DERL3: variants seen among roughly 807,000 people sequenced by gnomAD.
DERL3 encodes derlin 3, also known as derlin-3.
Under a neutral mutation model 23.8 loss-of-function variants are expected in DERL3, and 20 were observed. The ratio of observed to expected loss-of-function variants is 0.84; its 90% CI spans 0.59 to 1.22. The LOEUF (loss-of-function observed/expected upper bound fraction) is 1.22. DERL3 is among the 50% of genes most tolerant of loss of function. DERL3 has a pLI of 0.00. For missense variants in DERL3, 319 were observed against 304.1 expected (o/e 1.05, Z -0.36); for synonymous variants, 145 against 132.5 (o/e 1.09, Z -0.65).
rs1413259475 is a variant in DERL3, at chr22:23,836,357, C to T, written c.*512G>A. The T allele has an allele frequency of 2.0e-6, 2 of 985,630 alleles. No homozygotes were observed. The highest frequency in any genetic ancestry group is 2.4e-6 in the Non-Finnish European group (2 of 830,066). The allele number at this position is 985,630 out of a possible 1,614,324, so 61.1% of individuals were successfully genotyped here. On this transcript the variant is annotated 3_prime_UTR_variant, in exon 7 of 7. Transcript: ENST00000318109. ...CTAGATTGGCATCAGCCTGAAGGCA[C>T]CACTGGCAGGAACATCTGTAGGCTG...
rs1034472792 is a variant in DERL3, at chr22:23,835,432, G to T, written c.*1437C>A. 6 of 986,452 alleles carry T rather than the reference G, an allele frequency of 6.1e-6. No individual in the cohort carries two copies. The highest frequency in any genetic ancestry group is 6.0e-6 in the Non-Finnish European group (5 of 830,754). The allele number at this position is 986,452 out of a possible 1,614,324, so 61.1% of individuals were successfully genotyped here. On this transcript the variant is annotated 3_prime_UTR_variant, in exon 7 of 7. Coordinates refer to ENST00000318109, the MANE Select transcript of DERL3 (RefSeq NM_001002862.3). Reference sequence around the variant, plus strand: ...TCAGAGGCTGCTGTGCTCCCTGGAAGTGGGGTAGGGCCCCATGTGGGGCAG... The same window carrying T: ...TCAGAGGCTGCTGTGCTCCCTGGAATTGGGGTAGGGCCCCATGTGGGGCAG...
Position 23,834,602 on chromosome 22 carries a change from T to C in DERL3, c.*2267A>G, listed in dbSNP as rs2030888479. On this transcript the variant is annotated 3_prime_UTR_variant, in exon 7 of 7. Coordinates refer to ENST00000318109, the MANE Select transcript of DERL3 (RefSeq NM_001002862.3). ...CCGGGGCCTGGGGGGACGAAGGTGGTATGTGAACAAGGTTGGCACACAGGC... is the reference window on the plus strand; with the variant it reads ...CCGGGGCCTGGGGGGACGAAGGTGGCATGTGAACAAGGTTGGCACACAGGC... 4.2e-6 allele frequency: 3 copies of C among 720,688 alleles called. No homozygotes were observed. Among genetic ancestry groups the C allele is most frequent in the Non-Finnish European group, 4.9e-6 (2 of 407,800 alleles). 44.6% of individuals were successfully genotyped at this position (720,688 alleles called of 1,614,324 possible).
At chr22:23,838,301 TG>T in intron 4 of DERL3, 50 bp downstream of exon 4, 1 of 1,559,588 alleles carries the variant, frequency 6.4e-7, no homozygotes, top group Non-Finnish European at 8.7e-7. Flanking sequence ...CAACACAGGC[TG>T]GACGCCGAGG....
At position 23,838,571 on chromosome 22, in the gene DERL3, G is replaced by A; in HGVS notation, c.226C>T (p.Leu76Phe). Residue 76 changes from leucine to phenylalanine, a missense_variant, in exon 3 of 7, where the codon CTC becomes TTC. Transcript: ENST00000318109. ...CCGCAGGGCGCAGGATACACGAAGAGCATGTTGAAGAAGAAGCTGAATCCC... is the reference window on the plus strand; with the variant it reads ...CCGCAGGGCGCAGGATACACGAAGAACATGTTGAAGAAGAAGCTGAATCCC... ...PLGFSFFFNM[L>F]FVFRYCRMLE... 1.3e-6 allele frequency: 2 copies of A among 1,586,706 alleles called. No individual in the cohort carries two copies. Among genetic ancestry groups the A allele is most frequent in the Non-Finnish European group, 1.7e-6 (2 of 1,167,086 alleles).
Position 23,836,358 on chromosome 22 carries a change from C to G in DERL3, c.*511G>C, listed in dbSNP as rs1026120843. On this transcript the variant is annotated 3_prime_UTR_variant, in exon 7 of 7. Transcript: ENST00000318109. ...TAGATTGGCATCAGCCTGAAGGCACCACTGGCAGGAACATCTGTAGGCTGG... is the reference window on the plus strand; with the variant it reads ...TAGATTGGCATCAGCCTGAAGGCACGACTGGCAGGAACATCTGTAGGCTGG... 1.7e-5 allele frequency: 17 copies of G among 985,658 alleles called. No individual in the cohort carries two copies. Among genetic ancestry groups the G allele is most frequent in the Non-Finnish European group, 2.0e-5 (17 of 830,082 alleles). The allele number at this position is 985,658 out of a possible 1,614,324, so 61.1% of individuals were successfully genotyped here.
rs773080554 is a variant in DERL3, at chr22:23,837,898, C to T, written c.328-44G>A. The T allele has an allele frequency of 7.7e-6, 12 of 1,565,422 alleles. No individual in the cohort carries two copies. The East Asian group carries it at 2.5e-4, about 33-fold the overall frequency. On this transcript the variant is annotated intron_variant, in intron 4 of 6. Transcript: ENST00000318109. ...GCTCCGGTGCAGGCCTCAGCCCAAG[C>T]CCAGGGCCCCTCTGACTTCCCAAGA...
chr22:23,838,876 G>A lies in DERL3; in HGVS notation c.93+19C>T. On this transcript the variant is annotated intron_variant, in intron 1 of 6. Transcript: ENST00000318109. ...AGAGGCTGTAACCAAGGCGACGTCC[G>A]GTCCGCCCGGCCGCTTACCACCGCG... 6.4e-7 allele frequency: 1 copy of A among 1,553,252 alleles called. No individual in the cohort carries two copies. The highest frequency in any genetic ancestry group is 8.7e-7 in the Non-Finnish European group (1 of 1,148,124).
At position 23,834,805 on chromosome 22, in the gene DERL3, A is replaced by C; in HGVS notation, c.*2064T>G. On this transcript the variant is annotated 3_prime_UTR_variant, in exon 7 of 7. Transcript: ENST00000318109. ...TCTCTGCCTTTCAGGAACAGCCCTA[A>C]CCCTGCTCCCCTTGCTTGGCCTCAG... The C allele has an allele frequency of 6.2e-7, 1 of 1,605,030 alleles. No homozygotes were observed. Among genetic ancestry groups the C allele is most frequent in the Non-Finnish European group, 8.5e-7 (1 of 1,176,206 alleles).
chr22:23,837,445 A>G (rs868604050), intron 5 of DERL3: 3 of 651,440 alleles, frequency 4.6e-6, no homozygotes, highest in Middle Eastern at 8.4e-4. Flanking sequence ...GGACCGTGCA[A>G]GCATCAGTAG....
Position 23,838,603 on chromosome 22 carries a change from C to T in DERL3, c.194G>A (p.Gly65Glu). Residue 65 changes from glycine (G) to glutamate (E), a missense_variant, in exon 3 of 7, where the codon GGG (glycine) becomes GAG (glutamate). Transcript: ENST00000318109. ...WRLVTNFLFF[G>E]PLGFSFFFNM... Reference sequence around the variant, plus strand: ...GAAGAAGAAGCTGAATCCCAGGGGCCCGAAGAAGAGGAAGTTGGTGACGAG... The same window carrying T: ...GAAGAAGAAGCTGAATCCCAGGGGCTCGAAGAAGAGGAAGTTGGTGACGAG... 1 of 1,589,646 alleles carries T rather than the reference C, an allele frequency of 6.3e-7. No homozygotes were observed. The highest frequency in any genetic ancestry group is 1.1e-5 in the South Asian group (1 of 87,496).
chr22:23,834,838 C>G lies in DERL3; in HGVS notation c.*2031G>C, dbSNP rs1246305988. 3 of 1,611,588 alleles carry G rather than the reference C, an allele frequency of 1.9e-6. No homozygotes were observed. Among genetic ancestry groups the G allele is most frequent in the Non-Finnish European group, 2.5e-6 (3 of 1,179,262 alleles). On this transcript the variant is annotated 3_prime_UTR_variant, in exon 7 of 7. Transcript: ENST00000318109. Reference sequence around the variant, plus strand: ...CCCCTTGCTTGGCCTCAGGAAGGTGCCGCGAGCTCTCCTGCCGTCCCTGGG... The same window carrying G: ...CCCCTTGCTTGGCCTCAGGAAGGTGGCGCGAGCTCTCCTGCCGTCCCTGGG...
intron 4 of DERL3, 85 bp downstream of exon 4, chr22:23,838,267 G>A: frequency 6.4e-7 from 1 of 1,552,160 alleles, no homozygotes; most frequent in Non-Finnish European, 8.7e-7. Flanking sequence ...TCCCTCTCTG[G>A]CATGGCTGTG....
At position 23,836,827 on chromosome 22, in the gene DERL3, G is replaced by A; in HGVS notation, c.*42C>T. ...CCCAAGTAGGGGTCATGGGTAGGAT[G>A]GAAGCTGCCAGAAGCCTCTTAGGCC... On this transcript the variant is annotated 3_prime_UTR_variant, in exon 7 of 7. Coordinates refer to ENST00000318109, the MANE Select transcript of DERL3 (RefSeq NM_001002862.3). 5 of 1,437,208 alleles carry A rather than the reference G, an allele frequency of 3.5e-6. No individual in the cohort carries two copies. Among genetic ancestry groups the A allele is most frequent in the Non-Finnish European group, 4.6e-6 (5 of 1,094,110 alleles). The allele number at this position is 1,437,208 out of a possible 1,614,324, so 89.0% of individuals were successfully genotyped here.
At position 23,836,193 on chromosome 22, in the gene DERL3, A is replaced by T; in HGVS notation, c.*676T>A. The stretch of plus-strand genomic sequence containing the variant: ...CAGAACTCTGCTAAGGTGAAAACTT[A>T]GGCTCTGAGGTCATAGAAAGGGCAG... On this transcript the variant is annotated 3_prime_UTR_variant, in exon 7 of 7. Coordinates refer to ENST00000318109, the MANE Select transcript of DERL3 (RefSeq NM_001002862.3). 1 of 985,456 alleles carries T rather than the reference A, an allele frequency of 1.0e-6. No individual in the cohort carries two copies. The highest frequency in any genetic ancestry group is 1.2e-6 in the Non-Finnish European group (1 of 829,926). 61.0% of individuals were successfully genotyped at this position (985,456 alleles called of 1,614,324 possible). A position where few individuals can be genotyped will look rare whatever the true frequency, so the allele number is the denominator to read the frequency against.
chr22:23,835,124 C>T lies in DERL3; in HGVS notation c.*1745G>A. 2 of 1,370,716 alleles carry T rather than the reference C, an allele frequency of 1.5e-6. No homozygotes were observed. Among genetic ancestry groups the T allele is most frequent in the South Asian group, 1.8e-5 (1 of 55,318 alleles). 84.9% of individuals were successfully genotyped at this position (1,370,716 alleles called of 1,614,324 possible). On this transcript the variant is annotated 3_prime_UTR_variant, in exon 7 of 7. Transcript: ENST00000318109. ...AGGAATATGGGAATAGCCCTCCCGGCCTGGTGCCAGCTCTTGGAGTTGACA... is the reference window on the plus strand; with the variant it reads ...AGGAATATGGGAATAGCCCTCCCGGTCTGGTGCCAGCTCTTGGAGTTGACA...
At position 23,835,047 on chromosome 22, in the gene DERL3, C is replaced by G; in HGVS notation, c.*1822G>C. Reference sequence around the variant, plus strand: ...CCAGGTCAGCTGGGGCCCTTTCCCACCCCAGCAGGTGCTGTGGCCTGGGCC... The same window carrying G: ...CCAGGTCAGCTGGGGCCCTTTCCCAGCCCAGCAGGTGCTGTGGCCTGGGCC... On this transcript the variant is annotated 3_prime_UTR_variant, in exon 7 of 7. Coordinates refer to ENST00000318109, the MANE Select transcript of DERL3 (RefSeq NM_001002862.3). The G allele has an allele frequency of 7.1e-7, 1 of 1,404,968 alleles. No individual in the cohort carries two copies. The highest frequency in any genetic ancestry group is 1.6e-5 in the South Asian group (1 of 63,786). The allele number at this position is 1,404,968 out of a possible 1,614,324, so 87.0% of individuals were successfully genotyped here.
Position 23,837,666 on chromosome 22 carries a change from G to A in DERL3, c.516C>T (p.Asp172=), listed in dbSNP as rs772551294. Residue 172 remains aspartate, a synonymous_variant, in exon 5 of 7, where the codon GAC becomes GAT. Coordinates refer to ENST00000318109, the MANE Select transcript of DERL3 (RefSeq NM_001002862.3). ...ATGTACCGGGAGGCTCACCCAGCAG[G>A]TCCACGAGGATGGAGTTGCCCAGCA... ...SLLLGNSILV[D]LLGIAVGHIY... 1.2e-6 allele frequency: 2 copies of A among 1,612,730 alleles called. No homozygotes were observed. Among genetic ancestry groups the A allele is most frequent in the Admixed American group, 3.3e-5 (2 of 59,960 alleles).
rs5760062 is a variant in DERL3, at chr22:23,836,403, C to A, written c.*466G>T. On this transcript the variant is annotated 3_prime_UTR_variant, in exon 7 of 7. Transcript: ENST00000318109. ...GGCTGGTTTGGCACAACCTAGGAGA[C>A]GCCTGTCCTGGCCCCAGCAGCCGAA... is the stretch of plus-strand genomic sequence containing the variant. 2.0e-4 allele frequency: 197 copies of A among 986,594 alleles called. 1 individual carries two copies. The African/African-American group carries it at 3.2e-3, about 16-fold the overall frequency. 61.1% of individuals were successfully genotyped at this position (986,594 alleles called of 1,614,324 possible).
Position 23,838,901 on chromosome 22 carries a change from G to A in DERL3, c.87C>T (p.Ala29=), listed in dbSNP as rs753463696. Residue 29 remains alanine (A), a synonymous_variant, in exon 1 of 7, where the codon GCC becomes GCT. Transcript: ENST00000318109. Reference sequence around the variant, plus strand: ...GGTCCGCCCGGCCGCTTACCACCGCGGCGGTGGTGAGGACACAGGCTGCGG... The same window carrying A: ...GGTCCGCCCGGCCGCTTACCACCGCAGCGGTGGTGAGGACACAGGCTGCGG... ...AYTAACVLTT[A]AVQLELLSPF... The A allele has an allele frequency of 1.3e-6, 2 of 1,565,572 alleles. No homozygotes were observed. Among genetic ancestry groups the A allele is most frequent in the Non-Finnish European group, 8.7e-7 (1 of 1,155,108 alleles).
Sources: allele counts gnomAD v4.1 joint callset, GRCh38; gene constraint gnomAD v4.1.1; transcripts MANE v1.5; gene names NCBI Gene and HGNC (gene_info 2026-07-23, HGNC 2026-07-21).